SLIT2: variants seen among roughly 807,000 people sequenced by gnomAD.
The protein encoded by SLIT2 is slit homolog 2 protein.
A neutral mutation model predicts 185.7 loss-of-function variants in SLIT2; 41 were observed. The observed-to-expected ratio is 0.22, with a 90% CI of 0.17 to 0.29. The LOEUF (loss-of-function observed/expected upper bound fraction) is 0.29, where lower values mean the gene tolerates loss of function less well. Ranked by LOEUF, SLIT2 falls within the 10% of genes least tolerant of loss-of-function variation. SLIT2 has a pLI of 1.00. For synonymous variants in SLIT2, 693 were observed against 680.2 expected (o/e 1.02, Z -0.29); for missense variants, 1,571 against 1,909.0 (o/e 0.82, Z 3.30).
At chr4:20,366,733 G>A (rs951970985) in intron 4 of SLIT2, among the ~76,000 whole-genome samples, 4 of 152,088 alleles carry the variant, frequency 2.6e-5, no homozygotes, top group Non-Finnish European at 5.9e-5. Context: ...GAAAACGGCA[G>A]TTTTAGTGTT....
chr4:20,343,038 G>A (rs1721093746), intron 4 of SLIT2, among the ~76,000 whole-genome samples: 1 of 151,568 alleles, frequency 6.6e-6, no homozygotes, highest in African/African-American at 2.4e-5. Context: ...TCAATTCAGG[G>A]TGTTTAGGGT....
chr4:20,265,408 A>G (rs1218286521), intron 3 of SLIT2, among the ~76,000 whole-genome samples: 2 of 151,938 alleles, frequency 1.3e-5, no homozygotes, highest in Admixed American at 1.3e-4. Flanking sequence ...GAGAATAGAA[A>G]AAGTGGAGCC....
chr4:20,285,143 C>T (rs746349127), intron 4 of SLIT2, among the ~76,000 whole-genome samples: 5 of 152,208 alleles, frequency 3.3e-5, no homozygotes, highest in Non-Finnish European at 5.9e-5. Context: ...CTTAGCAACT[C>T]CAGCCATACA....
chr4:20,505,783 T>A (rs149486373), intron 9 of SLIT2, among the ~76,000 whole-genome samples: 110 of 152,182 alleles, frequency 7.2e-4, no homozygotes, highest in African/African-American at 2.6e-3. Context: ...CCATTTTTTA[T>A]TTTCTATAAT....
intron 4 of SLIT2, among the ~76,000 whole-genome samples, chr4:20,392,758 C>A (rs910865191): frequency 6.6e-6 from 1 of 152,058 alleles, no homozygotes; most frequent in African/African-American, 2.4e-5. Context: ...TAGCCCTACA[C>A]AGGATCATCA....
At chr4:20,341,094 C>T (rs889234719) in intron 4 of SLIT2, among the ~76,000 whole-genome samples, 1 of 152,102 alleles carries the variant, frequency 6.6e-6, no homozygotes, top group Non-Finnish European at 1.5e-5. Flanking sequence ...CAGTGTAGGG[C>T]CTTCAAAACA....
chr4:20,279,340 C>T (rs1045745422), intron 4 of SLIT2, among the ~76,000 whole-genome samples: 4 of 152,200 alleles, frequency 2.6e-5, no homozygotes, highest in Admixed American at 2.6e-4. Flanking sequence ...AGCAGATCTA[C>T]CGTATCTCAA....
At chr4:20,496,920 T>A (rs1240497213) in intron 9 of SLIT2, among the ~76,000 whole-genome samples, 1 of 152,158 alleles carries the variant, frequency 6.6e-6, no homozygotes, top group African/African-American at 2.4e-5. Flanking sequence ...ACTGGTAATT[T>A]TTAAGCATAA....
chr4:20,256,620 C>A, intron 1 of SLIT2, 52 bp from the exon 2 acceptor site: 1 of 880,020 alleles, frequency 1.1e-6, no homozygotes, highest in Non-Finnish European at 1.9e-6. Flanking sequence ...TTACTTGAAG[C>A]AGGTAAACAT....
intron 4 of SLIT2, among the ~76,000 whole-genome samples, chr4:20,360,698 G>A (rs1722669624): frequency 6.6e-6 from 1 of 152,136 alleles, no homozygotes; most frequent in African/African-American, 2.4e-5. Context: ...GATTTGTGGG[G>A]TGGCTGAATT....
chr4:20,283,272 G>C (rs967375111), intron 4 of SLIT2, among the ~76,000 whole-genome samples: 2 of 152,148 alleles, frequency 1.3e-5, no homozygotes, highest in Non-Finnish European at 2.9e-5. Flanking sequence ...GCATTCTTTA[G>C]CAACACAATG....
chr4:20,548,613 G>GT (rs1326146553), intron 23 of SLIT2, 54 bp downstream of exon 23: 1 of 1,005,574 alleles, frequency 9.9e-7, no homozygotes, highest in East Asian at 2.4e-5. Context: ...ACAAAAGGCA[G>GT]TCTCTAGATG....
chr4:20,389,159 C>T (rs1725210682), intron 4 of SLIT2, among the ~76,000 whole-genome samples: 1 of 151,058 alleles, frequency 6.6e-6, no homozygotes, highest in Non-Finnish European at 1.5e-5. Context: ...GAGATCATTT[C>T]TTTCAGTTTA....
intron 9 of SLIT2, among the ~76,000 whole-genome samples, chr4:20,492,712 T>A (rs1203947099): frequency 1.3e-5 from 2 of 152,222 alleles, no homozygotes; most frequent in African/African-American, 4.8e-5. Context: ...TATCTTGGAT[T>A]TTTGGTTGAA....
At chr4:20,540,435 T>G (rs1195387398) in intron 19 of SLIT2, among the ~76,000 whole-genome samples, 1 of 152,090 alleles carries the variant, frequency 6.6e-6, no homozygotes, top group African/African-American at 2.4e-5. Flanking sequence ...AGAGAATATT[T>G]TTTGTAGACA....
At chr4:20,477,438 A>G (rs1191023382) in intron 5 of SLIT2, among the ~76,000 whole-genome samples, 1 of 152,082 alleles carries the variant, frequency 6.6e-6, no homozygotes, top group African/African-American at 2.4e-5. Flanking sequence ...ACCTCGGGTC[A>G]TCCACCTGCC....
intron 4 of SLIT2, among the ~76,000 whole-genome samples, chr4:20,455,042 G>A (rs1266349518): frequency 6.6e-6 from 1 of 151,994 alleles, no homozygotes; most frequent in East Asian, 1.9e-4. Context: ...TACATGTTTA[G>A]GATATATACA....
At chr4:20,314,010 G>T (rs1718360408) in intron 4 of SLIT2, among the ~76,000 whole-genome samples, 1 of 152,150 alleles carries the variant, frequency 6.6e-6, no homozygotes, top group African/African-American at 2.4e-5. Context: ...ACTGCAAATT[G>T]TATATCATAG....
At chr4:20,577,081 A>G (rs73252493) in intron 29 of SLIT2, among the ~76,000 whole-genome samples, 19,769 of 152,062 alleles carry the variant, frequency 0.13, 1,584 homozygotes, top group Non-Finnish European at 0.18. Context: ...TCCATAAGAC[A>G]TTACCCTGAT....
Sources: gnomAD v4.1 joint callset for allele counts (sites outside exome capture counted in the v4.1 genomes callset) on GRCh38, gnomAD v4.1.1 for gene constraint, MANE v1.5 for transcripts, NCBI Gene and HGNC (gene_info 2026-07-23, HGNC 2026-07-21) for gene names.